The following POLR3B variants were observed in gnomAD, a reference collection of about 807,000 sequenced individuals.
POLR3B encodes DNA-directed RNA polymerase III subunit RPC2.
POLR3B carries 96 observed loss-of-function variants against 147.4 expected under a neutral mutation model. The observed-to-expected ratio is 0.65, with a 90% confidence interval of 0.55 to 0.77. The LOEUF (loss-of-function observed/expected upper bound fraction) is 0.77, where lower values mean the gene tolerates loss of function less well. Among genes scored for constraint, POLR3B ranks in the 30% least tolerant of loss-of-function variants. The pLI is 0.00. For synonymous variants in POLR3B, 461 were observed against 485.9 expected, an observed-to-expected ratio of 0.95 and a Z score of 0.67; for missense variants, 1,036 against 1,413.5, an observed-to-expected ratio of 0.73 and a Z score of 4.28.
At chr12:106,397,903 C>T (rs778877178) in intron 10 of POLR3B, among the ~76,000 whole-genome samples, 2 of 152,244 alleles carry the variant, frequency 1.3e-5, no homozygotes, top group African/African-American at 2.4e-5. Flanking sequence ...CTCCGGTCTA[C>T]AGCTACCAGC....
intron 23 of POLR3B, among the ~76,000 whole-genome samples, chr12:106,478,099 G>A (rs1024964334): frequency 6.6e-6 from 1 of 151,630 alleles, no homozygotes; most frequent in African/African-American, 2.4e-5. Flanking sequence ...TAGAGATGGA[G>A]TTTCACCATA....
intron 9 of POLR3B, among the ~76,000 whole-genome samples, chr12:106,380,918 G>A (rs2036754211): frequency 6.6e-6 from 1 of 152,206 alleles, no homozygotes; most frequent in Non-Finnish European, 1.5e-5. Context: ...TCACAGTAAA[G>A]TGAGTCACAC....
chr12:106,479,796 CTTCTT>C (rs71072680), intron 23 of POLR3B, among the ~76,000 whole-genome samples: 34,667 of 133,764 alleles, frequency 0.26, 5,646 homozygotes, highest in East Asian at 0.71. Flanking sequence ...TCTTTCCTTC[CTTCTT>C]TTCTTTTCTT....
At chr12:106,453,126 G>A (rs1258828676) in intron 19 of POLR3B, among the ~76,000 whole-genome samples, 1 of 150,684 alleles carries the variant, frequency 6.6e-6, no homozygotes, top group Non-Finnish European at 1.5e-5. Context: ...CTGGGCTCAA[G>A]CGATTCTCAT....
rs575865538 is a variant in POLR3B at position 106,509,460 on chromosome 12, C to T, written c.3313C>T (p.Arg1105Cys). Residue 1105 changes from arginine to cysteine, a missense_variant, in exon 28 of 28, where the codon CGT becomes TGT. Transcript: ENST00000228347. ...CKSSCHVSSL[R>C]IPYACKLLFQ... ...GTCATCCTGCCACGTGTCTTCCCTC[C>T]GTATTCCGTATGCCTGCAAGCTGCT... is the stretch of plus-strand genomic sequence containing the variant. 3.7e-6 allele frequency: 6 copies of T among 1,613,710 alleles called. No homozygotes were observed. The highest frequency in any genetic ancestry group is 1.3e-5 in the African/African-American group (1 of 75,018).
chr12:106,504,226 C>T lies in POLR3B; in HGVS notation c.3244C>T (p.Gln1082Ter). The T allele has an allele frequency of 1.2e-6, 2 of 1,614,096 alleles. No homozygotes were observed. Among genetic ancestry groups the T allele is most frequent in the Non-Finnish European group, 1.7e-6 (2 of 1,179,964 alleles). ...TGCCTTTGAGGTTGATGTCTGTGGG[C>T]AGTGTGGACTTCTGGGGTATTCTGG... ...SDAFEVDVCG[Q>*]CGLLGYSGWC... The change falls in exon 27 of 28, where the codon CAG becomes TAG. Residue 1082 changes from glutamine to a stop codon, truncating the protein, a stop_gained. Coordinates refer to ENST00000228347, the MANE Select transcript of POLR3B (RefSeq NM_018082.6). LOFTEE classifies it high-confidence loss of function. This position sits in a 1 kb window ranked among gnomAD's most constrained non-coding sequence, Gnocchi z 4.6.
chr12:106,392,985 G>A (rs2036930657), intron 9 of POLR3B, 46 bp from the exon 10 acceptor site: 3 of 1,612,588 alleles, frequency 1.9e-6, no homozygotes, highest in Non-Finnish European at 2.5e-6. Flanking sequence ...ATGTCAGTGA[G>A]TTAACACAAA....
intron 23 of POLR3B, among the ~76,000 whole-genome samples, chr12:106,483,224 A>T (rs563183808): frequency 6.6e-6 from 1 of 152,310 alleles, no homozygotes; most frequent in South Asian, 2.1e-4. Flanking sequence ...TTGAAGAAAA[A>T]TCCCCATATA....
intron 12 of POLR3B, among the ~76,000 whole-genome samples, chr12:106,418,217 C>T (rs141097138): frequency 0.02 from 3,055 of 152,218 alleles, 53 homozygotes; most frequent in African/African-American, 0.032. Flanking sequence ...TTTTCTTTTT[C>T]GGTAATGTGT....
At chr12:106,500,078 G>T (rs1280838588) in intron 25 of POLR3B, 5 of 455,850 alleles carry the variant, frequency 1.1e-5, no homozygotes, top group African/African-American at 1.0e-4. Context: ...TATCTGACCT[G>T]TCGGGCGCTC....
At chr12:106,377,604 A>G (rs1245028701) in intron 7 of POLR3B, among the ~76,000 whole-genome samples, 2 of 152,178 alleles carry the variant, frequency 1.3e-5, no homozygotes, top group African/African-American at 4.8e-5. Flanking sequence ...AGTAAATTTG[A>G]GCTTATATTG....
chr12:106,500,995 A>G (rs2137083972), intron 25 of POLR3B, among the ~76,000 whole-genome samples: 1 of 152,314 alleles, frequency 6.6e-6, no homozygotes, highest in Middle Eastern at 3.4e-3. Flanking sequence ...GGAAGCAGGG[A>G]GATTAATTAG....
intron 9 of POLR3B, 44 bp downstream of exon 9, chr12:106,380,183 C>T: frequency 2.7e-6 from 3 of 1,102,078 alleles, no homozygotes; most frequent in Non-Finnish European, 4.2e-6. Context: ...AATTCTTTCT[C>T]TGGTTTATTT....
intron 23 of POLR3B, among the ~76,000 whole-genome samples, chr12:106,483,143 A>G (rs925087866): frequency 6.6e-6 from 1 of 152,210 alleles, no homozygotes; most frequent in African/African-American, 2.4e-5. Context: ...AAACCCAAAT[A>G]TATGAAAAGT....
intron 23 of POLR3B, among the ~76,000 whole-genome samples, chr12:106,479,184 A>G (rs2038226618): frequency 6.6e-6 from 1 of 151,366 alleles, no homozygotes; most frequent in Non-Finnish European, 1.5e-5. Flanking sequence ...CCTCTTCCTC[A>G]TTTTCCCCAT....
In POLR3B at chr12:106,385,229, G is replaced by A. The variant is rs79806096; in HGVS notation, c.723+5090G>A. Among the ~76,000 whole-genome samples, 1,039 of 152,248 alleles carry A rather than the reference G, an allele frequency of 6.8e-3. 18 individuals are homozygous for A. The highest frequency in any genetic ancestry group is 0.024 in the African/African-American group (999 of 41,520). On this transcript the variant is annotated intron_variant, in intron 9 of 27. Coordinates refer to ENST00000228347, the MANE Select transcript of POLR3B (RefSeq NM_018082.6). Reference sequence around the variant, plus strand: ...AGGAACCTAGCCCTATATTTTTCCTGGAGCAATGGTTCAGTATTCACTATT... The same window carrying A: ...AGGAACCTAGCCCTATATTTTTCCTAGAGCAATGGTTCAGTATTCACTATT...
chr12:106,433,261 C>T (rs549181476), intron 15 of POLR3B, among the ~76,000 whole-genome samples: 3 of 152,318 alleles, frequency 2.0e-5, no homozygotes, highest in East Asian at 1.9e-4. Context: ...TGAATCCTCC[C>T]GCTAACCTTG....
intron 12 of POLR3B, among the ~76,000 whole-genome samples, chr12:106,416,835 G>A (rs1339156319): frequency 6.6e-6 from 1 of 152,038 alleles, no homozygotes; most frequent in Non-Finnish European, 1.5e-5. Context: ...TCATGCCAAA[G>A]TGAGGCACTT....
chr12:106,454,464 T>C, intron 19 of POLR3B, 38 bp from the exon 20 acceptor site: 1 of 941,600 alleles, frequency 1.1e-6, no homozygotes, highest in Non-Finnish European at 1.8e-6. Context: ...TTTCACATAA[T>C]AGAATGTTGT....
Sources: allele counts gnomAD v4.1 joint callset (sites outside exome capture counted in the v4.1 genomes callset), GRCh38; gene constraint gnomAD v4.1.1; non-coding constraint Gnocchi (gnomAD v3.1); transcripts MANE v1.5; gene names NCBI Gene and HGNC (gene_info 2026-07-23, HGNC 2026-07-21).